The following UBTD2 variants were observed in gnomAD, a reference collection of about 807,000 sequenced individuals.
UBTD2 encodes ubiquitin domain-containing protein 2.
In UBTD2, 9 loss-of-function variants were observed where a neutral mutation model predicts 19.8. The observed-to-expected ratio is 0.46, with a 90% CI of 0.27 to 0.79. UBTD2 has a LOEUF of 0.79. UBTD2 is among the 30% of genes least tolerant of loss of function. The pLI, the probability that UBTD2 is intolerant of heterozygous loss-of-function variation, is 0.14. For missense variants in UBTD2, 250 were observed against 300.4 expected (o/e 0.83, Z 1.24); for synonymous variants, 98 against 103.9 (o/e 0.94, Z 0.35).
chr5:172,272,929 A>T (rs572183968), intron 1 of UBTD2, among the ~76,000 whole-genome samples: 1 of 152,144 alleles, frequency 6.6e-6, no homozygotes, highest in South Asian at 2.1e-4. Flanking sequence ...AAATACAAAA[A>T]TTAGCTGGGC....
At chr5:172,272,534 C>T (rs1156960134) in intron 1 of UBTD2, among the ~76,000 whole-genome samples, 2 of 152,068 alleles carry the variant, frequency 1.3e-5, no homozygotes, top group East Asian at 3.8e-4. Flanking sequence ...TGATCATGTC[C>T]GGTTAATTTG....
intron 2 of UBTD2, among the ~76,000 whole-genome samples, chr5:172,222,129 A>G (rs1018021897): frequency 1.4e-4 from 22 of 152,248 alleles, no homozygotes; most frequent in Admixed American, 1.4e-3. Flanking sequence ...GGATCACAAA[A>G]TATCAATAAA....
intron 2 of UBTD2, among the ~76,000 whole-genome samples, chr5:172,222,842 G>A (rs932994868): frequency 1.3e-5 from 2 of 152,186 alleles, no homozygotes; most frequent in Non-Finnish European, 2.9e-5. Context: ...AATACTACAG[G>A]AAATTACCAG....
At chr5:172,237,016 A>C (rs1436771292) in intron 1 of UBTD2, among the ~76,000 whole-genome samples, 1 of 152,250 alleles carries the variant, frequency 6.6e-6, no homozygotes, top group African/African-American at 2.4e-5. Context: ...ATAGATGAAC[A>C]AAGTCCCACA....
intron 1 of UBTD2, among the ~76,000 whole-genome samples, chr5:172,262,442 C>A (rs191133014): frequency 1.6e-3 from 195 of 118,974 alleles, no homozygotes; most frequent in African/African-American, 6.6e-3. Context: ...AGAGACAGAT[C>A]CACCAAAAAA....
Position 172,251,631 on chromosome 5 carries a change from A to G in UBTD2, c.71-17273T>C, listed in dbSNP as rs933245608. Among the ~76,000 whole-genome samples the G allele has an allele frequency of 1.1e-4, 8 of 71,688 alleles. No individual in the cohort carries two copies. In the East Asian group the frequency reaches 4.0e-3, roughly 36 times the overall value. 47.0% of individuals were successfully genotyped at this position (71,688 alleles called of 152,430 possible). On this transcript the variant is annotated intron_variant, in intron 1 of 2. Coordinates refer to ENST00000393792, the MANE Select transcript of UBTD2 (RefSeq NM_152277.3). ...GGGTATGTTCAAAGTGCAATGAAAA[A>G]AAAAAAAAAATGGCAACCAAGAATA...
At chr5:172,283,805 C>T (rs1273406264), upstream of UBTD2, 1 of 389,750 alleles carries the variant, frequency 2.6e-6, no homozygotes, top group South Asian at 1.0e-4. This position sits in a 1 kb window ranked among gnomAD's most constrained non-coding sequence, Gnocchi z 4.3. Context: ...CCAGCCTCCG[C>T]CCCCCTCGCC....
chr5:172,212,624 A>G (rs1358708741), intron 2 of UBTD2, among the ~76,000 whole-genome samples: 4 of 152,200 alleles, frequency 2.6e-5, no homozygotes, highest in Non-Finnish European at 4.4e-5. Context: ...ATTGATTTCT[A>G]AGCTCAATTC....
At chr5:172,230,875 C>T (rs1464172586) in intron 2 of UBTD2, among the ~76,000 whole-genome samples, 1 of 151,774 alleles carries the variant, frequency 6.6e-6, no homozygotes, top group African/African-American at 2.4e-5. Context: ...GCTCCGCCTC[C>T]CAGGTTCATG....
intron 1 of UBTD2, among the ~76,000 whole-genome samples, chr5:172,275,125 A>C (rs974485527): frequency 9.2e-5 from 14 of 152,180 alleles, no homozygotes; most frequent in African/African-American, 3.4e-4. Flanking sequence ...AGGCCTCAGG[A>C]AACTTACAAT....
intron 2 of UBTD2, among the ~76,000 whole-genome samples, chr5:172,233,734 A>C (rs1262594945): frequency 7.0e-6 from 1 of 143,268 alleles, no homozygotes; most frequent in Non-Finnish European, 1.5e-5. Flanking sequence ...CTGAGACTCT[A>C]TCTCTAGCGC....
intron 1 of UBTD2, among the ~76,000 whole-genome samples, chr5:172,237,361 G>A (rs1982851): frequency 6.6e-6 from 1 of 151,974 alleles, no homozygotes; most frequent in Non-Finnish European, 1.5e-5. Flanking sequence ...CAAAGTGCTG[G>A]AATTACAGGC....
intron 2 of UBTD2, among the ~76,000 whole-genome samples, chr5:172,231,660 A>C (rs958409154): frequency 6.6e-6 from 1 of 152,218 alleles, no homozygotes; most frequent in East Asian, 1.9e-4. Context: ...TATAAGTACA[A>C]AATAAGAAAT....
In UBTD2 at chr5:172,283,035, T is replaced by A. The variant is rs1042960730; in HGVS notation, c.70+561A>T. On this transcript the variant is annotated intron_variant, in intron 1 of 2. Coordinates refer to ENST00000393792, the MANE Select transcript of UBTD2 (RefSeq NM_152277.3). This position sits in a 1 kb window ranked among gnomAD's most constrained non-coding sequence, Gnocchi z 4.3. Reference sequence around the variant, plus strand: ...GTTTCCCCACCCCTCCTTAATACAATGCCTGCGGCCACTGGAGACTCCTCC... The same window carrying A: ...GTTTCCCCACCCCTCCTTAATACAAAGCCTGCGGCCACTGGAGACTCCTCC... Among the ~76,000 whole-genome samples, 1 of 152,016 alleles carries A rather than the reference T, an allele frequency of 6.6e-6. No individual in the cohort carries two copies. The highest frequency in any genetic ancestry group is 6.6e-5 in the Admixed American group (1 of 15,256).
chr5:172,242,992 C>T (rs894854530), intron 1 of UBTD2, among the ~76,000 whole-genome samples: 8 of 152,032 alleles, frequency 5.3e-5, no homozygotes, highest in Non-Finnish European at 8.8e-5. Context: ...ACATTGTCTC[C>T]TTCAAATTGC....
intron 1 of UBTD2, among the ~76,000 whole-genome samples, chr5:172,280,866 C>T (rs1755700229): frequency 6.6e-6 from 1 of 152,058 alleles, no homozygotes. Context: ...AAGAATACAC[C>T]TAATAAGGAA....
intron 1 of UBTD2, among the ~76,000 whole-genome samples, chr5:172,253,058 C>G (rs1755061107): frequency 6.6e-6 from 1 of 152,090 alleles, no homozygotes; most frequent in East Asian, 1.9e-4. Flanking sequence ...GAGATAAGGT[C>G]TCATTCCATC....
At chr5:172,214,988 G>A (rs370878788) in intron 2 of UBTD2, among the ~76,000 whole-genome samples, 4 of 152,320 alleles carry the variant, frequency 2.6e-5, no homozygotes, top group East Asian at 3.9e-4. Flanking sequence ...CCCCGAAATA[G>A]GAGAGACAGG....
chr5:172,218,747 G>A (rs1182190145), intron 2 of UBTD2, among the ~76,000 whole-genome samples: 1 of 142,540 alleles, frequency 7.0e-6, no homozygotes, highest in East Asian at 2.0e-4. Context: ...TCTCACTCCA[G>A]CCTGGGCAAA....
Sources: gnomAD v4.1 joint callset for allele counts (sites outside exome capture counted in the v4.1 genomes callset) on GRCh38, gnomAD v4.1.1 for gene constraint, Gnocchi (gnomAD v3.1) non-coding constraint, MANE v1.5 for transcripts, NCBI Gene and HGNC (gene_info 2026-07-23, HGNC 2026-07-21) for gene names.